The following RBFOX1 variants were observed in gnomAD, a reference collection of about 807,000 sequenced individuals.
The protein encoded by RBFOX1 is RNA binding protein fox-1 homolog 1.
A neutral mutation model predicts 57.7 loss-of-function variants in RBFOX1; 8 were observed. The observed-to-expected ratio is 0.14, with a 90% confidence interval of 0.08 to 0.25. RBFOX1 has a LOEUF of 0.25. Among genes scored for constraint, RBFOX1 ranks in the 10% least tolerant of loss-of-function variants. RBFOX1 has a pLI of 1.00. For synonymous variants in RBFOX1, 326 were observed against 222.4 expected, an observed-to-expected ratio of 1.47 and a Z score of -4.15; for missense variants, 611 against 548.5, an observed-to-expected ratio of 1.11 and a Z score of -1.14.
At chr16:6,182,361 C>T (rs956859746) in intron 1 of RBFOX1, among the ~76,000 whole-genome samples, 1 of 152,202 alleles carries the variant, frequency 6.6e-6, no homozygotes, top group African/African-American at 2.4e-5. Context: ...CGACCTACCA[C>T]AGCCACTTTA....
At chr16:7,632,114 G>C (rs1021424684) in intron 11 of RBFOX1, among the ~76,000 whole-genome samples, 1 of 152,112 alleles carries the variant, frequency 6.6e-6, no homozygotes, top group Non-Finnish European at 1.5e-5. Flanking sequence ...TCCCCATCTT[G>C]GCCAGGCTGG....
At chr16:7,083,400 A>G (rs548300953) in intron 4 of RBFOX1, among the ~76,000 whole-genome samples, 12 of 152,170 alleles carry the variant, frequency 7.9e-5, no homozygotes, top group African/African-American at 2.6e-4. Flanking sequence ...AACTGAGCAG[A>G]GGCAGGAAGA....
chr16:6,232,263 G>A (rs1044819393), intron 1 of RBFOX1, among the ~76,000 whole-genome samples: 1 of 152,160 alleles, frequency 6.6e-6, no homozygotes, highest in Non-Finnish European at 1.5e-5. Context: ...CACACCAGGA[G>A]GGACCTCATC....
chr16:5,360,386 C>G (rs1057365841), intron 1 of RBFOX1, among the ~76,000 whole-genome samples: 3 of 152,206 alleles, frequency 2.0e-5, no homozygotes, highest in Non-Finnish European at 4.4e-5. Context: ...CTTCTTGAAA[C>G]TCAATGTGCA....
intron 2 of RBFOX1, among the ~76,000 whole-genome samples, chr16:6,481,602 T>C (rs1185476497): frequency 6.6e-6 from 1 of 152,200 alleles, no homozygotes; most frequent in African/African-American, 2.4e-5. Context: ...ATCTCTGTAA[T>C]TGTACAGGGT....
At chr16:7,427,892 G>A (rs959027199) in intron 4 of RBFOX1, among the ~76,000 whole-genome samples, 11 of 152,122 alleles carry the variant, frequency 7.2e-5, no homozygotes, top group South Asian at 4.1e-4. Context: ...GACCTCAGAT[G>A]ATCTGCCTGC....
rs1272688277 is a variant in RBFOX1 at position 7,664,361 on chromosome 16, A to G, written c.891-568A>G. The stretch of plus-strand genomic sequence containing the variant: ...TAGAGATATTCTCCATTAACCATAA[A>G]ATAATGCACGTGCAATTACCAAATA... On this transcript the variant is annotated intron_variant, in intron 12 of 15. Transcript: ENST00000550418. Among the ~76,000 whole-genome samples the G allele has an allele frequency of 2.6e-5, 4 of 152,284 alleles. No homozygotes were observed. The East Asian group carries it at 7.7e-4, about 29-fold the overall frequency.
At chr16:7,187,481 A>G (rs2152564951) in intron 4 of RBFOX1, among the ~76,000 whole-genome samples, 1 of 151,646 alleles carries the variant, frequency 6.6e-6, no homozygotes, top group South Asian at 2.1e-4. Flanking sequence ...CGAGATCAGG[A>G]GATCGAGACC....
chr16:7,485,702 C>A (rs1467903736), intron 4 of RBFOX1, among the ~76,000 whole-genome samples: 1 of 152,182 alleles, frequency 6.6e-6, no homozygotes, highest in Non-Finnish European at 1.5e-5. Flanking sequence ...GAAACACATC[C>A]ATATATAATG....
intron 3 of RBFOX1, among the ~76,000 whole-genome samples, chr16:7,016,609 C>T (rs1459010850): frequency 3.9e-5 from 6 of 152,178 alleles, no homozygotes; most frequent in Admixed American, 2.0e-4. Context: ...GGTAGACACG[C>T]CTCACTTGGT....
intron 3 of RBFOX1, among the ~76,000 whole-genome samples, chr16:6,762,105 C>T (rs142825112): frequency 6.6e-6 from 1 of 152,218 alleles, no homozygotes; most frequent in East Asian, 1.9e-4. Context: ...AGTTGAGTTA[C>T]CTTGGGAAAT....
At chr16:7,134,808 C>T (rs1203607762) in intron 4 of RBFOX1, among the ~76,000 whole-genome samples, 1 of 152,150 alleles carries the variant, frequency 6.6e-6, no homozygotes, top group East Asian at 1.9e-4. Flanking sequence ...TAAAGGAGTA[C>T]ATAGCATGCA....
intron 3 of RBFOX1, among the ~76,000 whole-genome samples, chr16:6,699,110 G>C (rs1009901945): frequency 6.6e-6 from 1 of 152,144 alleles, no homozygotes; most frequent in East Asian, 1.9e-4. Context: ...GCCATCATCA[G>C]TATAAGAAAC....
At chr16:6,478,429 A>ATATATATATTTTTTT (rs1159954387) in intron 2 of RBFOX1, among the ~76,000 whole-genome samples, 1 of 24,616 alleles carries the variant, frequency 4.1e-5, no homozygotes, top group Non-Finnish European at 7.8e-5. Flanking sequence ...ATATATATAT[A>ATATATATATTTTTTT]TTTTTTTTTT....
intron 3 of RBFOX1, among the ~76,000 whole-genome samples, chr16:6,930,300 A>G (rs773060771): frequency 6.6e-6 from 1 of 152,210 alleles, no homozygotes; most frequent in Non-Finnish European, 1.5e-5. Flanking sequence ...AGATATATAC[A>G]AATGGCCAAT....
intron 14 of RBFOX1, among the ~76,000 whole-genome samples, chr16:7,682,631 G>A (rs2075064664): frequency 6.7e-6 from 1 of 149,984 alleles, no homozygotes; most frequent in Admixed American, 6.7e-5. Context: ...AAGATGATCT[G>A]TCAAGTTGTA....
intron 1 of RBFOX1, among the ~76,000 whole-genome samples, chr16:5,334,071 C>G (rs1203130209): frequency 1.3e-5 from 2 of 150,756 alleles, no homozygotes; most frequent in African/African-American, 2.5e-5. Context: ...CAGGAGTACT[C>G]TTTCTTACAG....
At chr16:7,420,902 C>T (rs59408988) in intron 4 of RBFOX1, among the ~76,000 whole-genome samples, 1 of 142,130 alleles carries the variant, frequency 7.0e-6, no homozygotes, top group African/African-American at 2.7e-5. Flanking sequence ...TATATACACA[C>T]ATATATATAC....
chr16:6,967,021 T>G (rs2084400222), intron 3 of RBFOX1, among the ~76,000 whole-genome samples: 1 of 152,192 alleles, frequency 6.6e-6, no homozygotes, highest in Admixed American at 6.5e-5. Context: ...TGTATGTACC[T>G]ATCTACTTAT....
Sources: allele counts gnomAD v4.1 joint callset (sites outside exome capture counted in the v4.1 genomes callset), GRCh38; gene constraint gnomAD v4.1.1; transcripts MANE v1.5; gene names NCBI Gene and HGNC (gene_info 2026-07-23, HGNC 2026-07-21).